The following TUBB8 variants were observed in gnomAD, a reference collection of about 807,000 sequenced individuals.
TUBB8 encodes tubulin beta-8 chain.
TUBB8 carries 25 observed loss-of-function variants against 33.7 expected under a neutral mutation model. The ratio of observed to expected loss-of-function variants is 0.74; its 90% CI spans 0.54 to 1.04. The LOEUF is 1.04. Ranked by LOEUF, TUBB8 falls within the 50% of genes least tolerant of loss-of-function variation. The pLI, the probability that TUBB8 is intolerant of heterozygous loss-of-function variation, is 0.00. For synonymous variants in TUBB8, 245 were observed against 240.1 expected, an observed-to-expected ratio of 1.02 and a Z score of -0.19; for missense variants, 279 against 608.0, an observed-to-expected ratio of 0.46 and a Z score of 5.69.
At chr10:46,751 AC>A (rs1404631910), downstream of TUBB8, 1 of 390,878 alleles carries the variant, frequency 2.6e-6, no homozygotes, top group African/African-American at 2.0e-5. Flanking sequence ...CACAGCCCAT[AC>A]CGACCCCTCC....
chr10:51,029 C>T (rs1221010710), upstream of TUBB8, among the ~76,000 whole-genome samples: 2 of 152,196 alleles, frequency 1.3e-5, no homozygotes, highest in Non-Finnish European at 2.9e-5. Flanking sequence ...CCCCTAATTC[C>T]CATATATTGT....
intron 1 of TUBB8, among the ~76,000 whole-genome samples, chr10:61,190 C>A (rs1185144353): frequency 6.6e-6 from 1 of 151,924 alleles, no homozygotes; most frequent in Non-Finnish European, 1.5e-5. Flanking sequence ...CTAACCTACA[C>A]AATGTGCACA....
chr10:49,517 G>A (rs1397327815), upstream of TUBB8: 3 of 648,170 alleles, frequency 4.6e-6, no homozygotes, highest in Admixed American at 6.2e-5. Context: ...CGCGTCTTTA[G>A]TAAGACTAAA....
upstream of TUBB8, among the ~76,000 whole-genome samples, chr10:52,135 AC>A (rs1834476113): frequency 6.6e-6 from 1 of 152,220 alleles, no homozygotes; most frequent in Non-Finnish European, 1.5e-5. Flanking sequence ...TCTGAGTATG[AC>A]ACCCCCAGGT....
intron 1 of TUBB8, among the ~76,000 whole-genome samples, chr10:55,142 C>A (rs1208520990): frequency 6.6e-6 from 1 of 152,174 alleles, no homozygotes. Flanking sequence ...ACAGTCATGG[C>A]GGACGAGGAA....
At position 49,221 on chromosome 10, in the gene TUBB8, G is replaced by A. The variant is rs544912034; in HGVS notation, c.18C>T (p.Leu6=). MREIV[L]TQIGQCGNQI... ...GATTCCCGCACTGCCCGATCTGCGT[G>A]AGCACGATCTCCCTCATGGCCAAGG... The change falls in exon 1 of 4, where the codon CTC becomes CTT. Residue 6 remains leucine (L), a synonymous_variant. Transcript: ENST00000568584. 2 of 1,585,368 alleles carry A rather than the reference G, an allele frequency of 1.3e-6. No individual in the cohort carries two copies. Among genetic ancestry groups the A allele is most frequent in the South Asian group, 1.1e-5 (1 of 87,106 alleles).
At chr10:54,372 C>T (rs1189546093) in intron 1 of TUBB8, among the ~76,000 whole-genome samples, 1 of 151,542 alleles carries the variant, frequency 6.6e-6, no homozygotes, top group African/African-American at 2.4e-5. Flanking sequence ...GACAGACTCT[C>T]ATTCTTTCTT....
upstream of TUBB8, chr10:49,941 G>C (rs569342591): frequency 6.0e-6 from 1 of 167,226 alleles, no homozygotes; most frequent in Non-Finnish European, 1.3e-5. Flanking sequence ...CACTTTGCAG[G>C]CTTTTGGATT....
At chr10:60,556 C>T (rs1293011486) in intron 1 of TUBB8, among the ~76,000 whole-genome samples, 1 of 152,110 alleles carries the variant, frequency 6.6e-6, no homozygotes, top group Non-Finnish European at 1.5e-5. Context: ...GAATGGCAAT[C>T]ATTAAAAAGT....
chr10:65,071 C>A (rs532025653), intron 1 of TUBB8, among the ~76,000 whole-genome samples: 6 of 152,232 alleles, frequency 3.9e-5, no homozygotes, highest in Admixed American at 3.9e-4. Context: ...TCATTTGAAC[C>A]CAGGAGTTGG....
chr10:69,435 A>G (rs1273425966), intron 1 of TUBB8, among the ~76,000 whole-genome samples: 2 of 152,242 alleles, frequency 1.3e-5, no homozygotes, highest in Non-Finnish European at 2.9e-5. Context: ...ACAGTAGTAA[A>G]GTTAATAATG....
At chr10:64,350 A>G (rs1834641476) in intron 1 of TUBB8, among the ~76,000 whole-genome samples, 2 of 143,250 alleles carry the variant, frequency 1.4e-5, no homozygotes, top group South Asian at 4.4e-4. Flanking sequence ...CCCTTACCCT[A>G]ACCCTAACCC....
intron 1 of TUBB8, among the ~76,000 whole-genome samples, chr10:67,711 CA>C (rs1554741788): frequency 6.6e-6 from 1 of 152,188 alleles, no homozygotes; most frequent in East Asian, 1.9e-4. Flanking sequence ...AGGCGTGAGC[CA>C]CCATGCTCAG....
At chr10:64,141 G>C (rs1382663567) in intron 1 of TUBB8, among the ~76,000 whole-genome samples, 2 of 152,134 alleles carry the variant, frequency 1.3e-5, no homozygotes, top group East Asian at 3.9e-4. Flanking sequence ...GCTGGAGTTG[G>C]GGTAACATAA....
intron 1 of TUBB8, among the ~76,000 whole-genome samples, chr10:62,282 T>C (rs112776231): frequency 2.8e-3 from 399 of 140,932 alleles, no homozygotes; most frequent in East Asian, 8.4e-3. Context: ...TTTAAAATTA[T>C]CATGAGGCTT....
At chr10:62,991 G>A (rs1834622889) in intron 1 of TUBB8, among the ~76,000 whole-genome samples, 1 of 152,116 alleles carries the variant, frequency 6.6e-6, no homozygotes, top group Non-Finnish European at 1.5e-5. Context: ...TCTGCTTGAT[G>A]TTCTGTAACT....
chr10:52,805 T>C (rs1834485289), upstream of TUBB8, among the ~76,000 whole-genome samples: 1 of 152,236 alleles, frequency 6.6e-6, no homozygotes, highest in African/African-American at 2.4e-5. Flanking sequence ...GTATTAACCT[T>C]CTAGATGCCT....
intron 1 of TUBB8, among the ~76,000 whole-genome samples, chr10:63,366 G>A (rs1834627547): frequency 1.3e-5 from 2 of 152,230 alleles, no homozygotes; most frequent in South Asian, 4.1e-4. Context: ...GTGAGCCACT[G>A]CACTGGGCCA....
At chr10:74,625 C>CAAAAAAAAAAAAAAAAAAAAAA (rs35723619), upstream of TUBB8, among the ~76,000 whole-genome samples, 4 of 89,678 alleles carry the variant, frequency 4.5e-5, no homozygotes, top group African/African-American at 4.4e-5. Context: ...GACTCAGTAT[C>CAAAAAAAAAAAAAAAAAAAAAA]AAAAAAAAAA....
Sources: gnomAD v4.1 joint callset for allele counts (sites outside exome capture counted in the v4.1 genomes callset) on GRCh38, gnomAD v4.1.1 for gene constraint, MANE v1.5 for transcripts, NCBI Gene and HGNC (gene_info 2026-07-23, HGNC 2026-07-21) for gene names.